GRIP1: variants seen among roughly 807,000 people sequenced by gnomAD.
GRIP1 encodes glutamate receptor-interacting protein 1.
Under a neutral mutation model 129.9 loss-of-function variants are expected in GRIP1, and 45 were observed. That is an observed-to-expected ratio of 0.35 (90% CI 0.27 to 0.44). The LOEUF (loss-of-function observed/expected upper bound fraction) is 0.44. Ranked by LOEUF, GRIP1 falls within the 20% of genes least tolerant of loss-of-function variation. GRIP1 has a pLI of 1.00. For missense variants in GRIP1, 1,196 were observed against 1,396.8 expected (o/e 0.86, Z 2.29); for synonymous variants, 530 against 520.8 (o/e 1.02, Z -0.24).
chr12:66,723,281 TTC>T (rs1247876793), intron 1 of GRIP1, among the ~76,000 whole-genome samples: 30 of 14,236 alleles, frequency 2.1e-3, no homozygotes, highest in African/African-American at 0.011. Context: ...CCTTCCTTCC[TTC>T]CTTTCTTTCT....
chr12:66,617,085 T>TTGTGTGTGTGTGTGTGTGTG (rs71436017), intron 1 of GRIP1, among the ~76,000 whole-genome samples: 17 of 135,516 alleles, frequency 1.3e-4, no homozygotes, highest in African/African-American at 2.6e-4. Context: ...AACAGACGTT[T>TTGTGTGTGTGTGTGTGTGTG]TGTGTGTGTG....
chr12:66,877,750 T>C (rs1033090061), intron 1 of GRIP1, among the ~76,000 whole-genome samples: 1 of 151,998 alleles, frequency 6.6e-6, no homozygotes, highest in Non-Finnish European at 1.5e-5. Context: ...ATCCCACACA[T>C]AAAACATATC....
At position 66,471,280 on chromosome 12, in the gene GRIP1, G is replaced by A. The variant is rs144115992; in HGVS notation, c.725-5858C>T. Among the ~76,000 whole-genome samples the A allele has an allele frequency of 1.5e-4, 23 of 152,316 alleles. No individual in the cohort carries two copies. In the East Asian group the frequency reaches 4.4e-3, roughly 29 times the overall value. ...AGTCTACAAATGCCCTACCACAAGGGTTAACAGAGGTGCAGTTTGACTCCA... is the reference window on the plus strand; with the variant it reads ...AGTCTACAAATGCCCTACCACAAGGATTAACAGAGGTGCAGTTTGACTCCA... On this transcript the variant is annotated intron_variant, in intron 7 of 24. Coordinates refer to ENST00000359742, the MANE Select transcript of GRIP1 (RefSeq NM_001366722.1).
chr12:66,411,365 C>G (rs1480669800), intron 15 of GRIP1, among the ~76,000 whole-genome samples: 3 of 152,070 alleles, frequency 2.0e-5, no homozygotes, highest in Non-Finnish European at 4.4e-5. Context: ...CCCCAGCAAA[C>G]CACAACGGCA....
chr12:66,993,221 T>G (rs190019530), intron 1 of GRIP1, among the ~76,000 whole-genome samples: 37 of 152,128 alleles, frequency 2.4e-4, no homozygotes, highest in African/African-American at 8.4e-4. Flanking sequence ...AGAGGGAAAT[T>G]TATAGCTGGA....
At chr12:66,414,408 T>C (rs1284104771) in intron 15 of GRIP1, among the ~76,000 whole-genome samples, 1 of 151,934 alleles carries the variant, frequency 6.6e-6, no homozygotes, top group African/African-American at 2.4e-5. Flanking sequence ...GACCTCTTCA[T>C]GGAGAACTAC....
chr12:66,498,366 A>T (rs947188056), intron 7 of GRIP1, among the ~76,000 whole-genome samples: 3 of 152,216 alleles, frequency 2.0e-5, no homozygotes, highest in Non-Finnish European at 4.4e-5. Context: ...AGAAGTACTA[A>T]ACAGTTAATT....
intron 3 of GRIP1, among the ~76,000 whole-genome samples, chr12:66,539,544 G>GTTTTTTTTTTT (rs1250833017): frequency 1.6e-4 from 11 of 67,648 alleles, no homozygotes; most frequent in African/African-American, 6.8e-4. Flanking sequence ...ATCAAGAGAA[G>GTTTTTTTTTTT]CTTTTTTTTT....
intron 1 of GRIP1, among the ~76,000 whole-genome samples, chr12:67,041,315 T>C (rs1388539222): frequency 5.3e-5 from 8 of 152,076 alleles, no homozygotes; most frequent in Non-Finnish European, 1.2e-4. Context: ...TATTTATATA[T>C]ACACGTGTGT....
chr12:66,852,540 GTATA>G (rs201877464), intron 1 of GRIP1, among the ~76,000 whole-genome samples: 1 of 149,736 alleles, frequency 6.7e-6, no homozygotes, highest in Non-Finnish European at 1.5e-5. Flanking sequence ...ATGTATATAT[GTATA>G]TATGTATATG....
chr12:66,972,121 C>A (rs1566100847), intron 1 of GRIP1, among the ~76,000 whole-genome samples: 1 of 152,098 alleles, frequency 6.6e-6, no homozygotes, highest in African/African-American at 2.4e-5. Context: ...GGTCTTTGGG[C>A]AAAACTGTCT....
intron 1 of GRIP1, among the ~76,000 whole-genome samples, chr12:66,792,464 C>T (rs976437143): frequency 1.3e-5 from 2 of 152,048 alleles, no homozygotes; most frequent in African/African-American, 4.8e-5. Flanking sequence ...AATCACAGCA[C>T]TTTGGGAGGC....
intron 1 of GRIP1, among the ~76,000 whole-genome samples, chr12:66,621,136 T>A (rs2065249913): frequency 6.6e-6 from 1 of 152,184 alleles, no homozygotes; most frequent in Non-Finnish European, 1.5e-5. Flanking sequence ...ATTTTAACAA[T>A]TTTTAAGTAT....
intron 1 of GRIP1, among the ~76,000 whole-genome samples, chr12:66,876,101 G>T (rs1185995172): frequency 1.3e-5 from 2 of 151,798 alleles, no homozygotes; most frequent in Non-Finnish European, 2.9e-5. Context: ...AGAAAAGTAT[G>T]AGCACTTAAA....
intron 1 of GRIP1, among the ~76,000 whole-genome samples, chr12:66,991,742 G>A (rs1290868432): frequency 6.6e-6 from 1 of 152,092 alleles, no homozygotes; most frequent in Non-Finnish European, 1.5e-5. Context: ...AAAAAATTTA[G>A]TCCACCCAAA....
At chr12:66,483,519 A>C (rs564403253) in intron 7 of GRIP1, among the ~76,000 whole-genome samples, 15 of 152,288 alleles carry the variant, frequency 9.8e-5, no homozygotes, top group African/African-American at 3.6e-4. Flanking sequence ...TTCCCATGCT[A>C]ACTTGAGTTT....
chr12:66,533,887 A>ACTCT lies in GRIP1; in HGVS notation c.419-3977_419-3974dup, dbSNP rs71436010. Among the ~76,000 whole-genome samples, 890 of 148,034 alleles carry ACTCT rather than the reference A, an allele frequency of 6.0e-3. 6 individuals carry two copies. Among genetic ancestry groups the ACTCT allele is most frequent in the African/African-American group, 0.02 (814 of 40,244 alleles). ...CTCACACACACACACACATACACAC[A>ACTCT]CTCTCTCTCTCTCTCTCTTTTCTGA... On this transcript the variant is annotated intron_variant, in intron 4 of 24. Coordinates refer to ENST00000359742, the MANE Select transcript of GRIP1 (RefSeq NM_001366722.1).
At chr12:66,983,981 A>C (rs79199403) in intron 1 of GRIP1, among the ~76,000 whole-genome samples, 119 of 152,286 alleles carry the variant, frequency 7.8e-4, no homozygotes, top group African/African-American at 2.7e-3. Flanking sequence ...GAAGATGTTG[A>C]TCATAGCAAA....
chr12:66,790,819 C>T (rs1042331448), intron 1 of GRIP1, among the ~76,000 whole-genome samples: 15 of 151,656 alleles, frequency 9.9e-5, no homozygotes, highest in African/African-American at 2.7e-4. Context: ...AATTACAAAA[C>T]GAGGGAGGCG....
Sources: allele counts gnomAD v4.1 joint callset (sites outside exome capture counted in the v4.1 genomes callset), GRCh38; gene constraint gnomAD v4.1.1; transcripts MANE v1.5; gene names NCBI Gene and HGNC (gene_info 2026-07-23, HGNC 2026-07-21).